The following ST3GAL6 variants were observed in gnomAD, a reference collection of about 807,000 sequenced individuals.
ST3GAL6 encodes ST3 beta-galactoside alpha-2,3-sialyltransferase 6, also known as type 2 lactosamine alpha-2,3-sialyltransferase.
In ST3GAL6, 31 loss-of-function variants were observed where a neutral mutation model predicts 40.5. The ratio of observed to expected loss-of-function variants is 0.77; its 90% confidence interval spans 0.58 to 1.03. The LOEUF (loss-of-function observed/expected upper bound fraction) is 1.03, where lower values mean the gene tolerates loss of function less well. Among genes scored for constraint, ST3GAL6 ranks in the 50% least tolerant of loss-of-function variants. The pLI, the probability that ST3GAL6 is intolerant of heterozygous loss-of-function variation, is 0.00. For missense variants in ST3GAL6, 357 were observed against 393.2 expected (o/e 0.91, Z 0.78); for synonymous variants, 129 against 136.9 (o/e 0.94, Z 0.40).
At chr3:98,764,128 T>C (rs1938081223) in intron 1 of ST3GAL6, among the ~76,000 whole-genome samples, 1 of 152,166 alleles carries the variant, frequency 6.6e-6, no homozygotes, top group African/African-American at 2.4e-5. Context: ...TGTTGCATAT[T>C]GACTGAGATA....
chr3:98,775,469 C>A (rs1256009397), intron 5 of ST3GAL6, among the ~76,000 whole-genome samples: 1 of 115,786 alleles, frequency 8.6e-6, no homozygotes, highest in Non-Finnish European at 1.8e-5. Flanking sequence ...AGCAAGACTT[C>A]GTCTCAAAAA....
At chr3:98,772,186 T>G (rs1204627962) in intron 3 of ST3GAL6, 1 of 152,252 alleles carries the variant, frequency 6.6e-6, no homozygotes, top group Non-Finnish European at 1.5e-5. Flanking sequence ...ACAGGTAGAT[T>G]TATGTTTATC....
rs1456076183 is a variant in ST3GAL6 at position 98,788,236 on chromosome 3, A to C, written c.618+14A>C. Reference sequence around the variant, plus strand: ...GGTGACAAAATAGTAAGTAGGCAAAATTGTTCTGCCTTCAGATTACCTTTA... The same window carrying C: ...GGTGACAAAATAGTAAGTAGGCAAACTTGTTCTGCCTTCAGATTACCTTTA... On this transcript the variant is annotated intron_variant, in intron 7 of 9. Coordinates refer to ENST00000483910, the MANE Select transcript of ST3GAL6 (RefSeq NM_001323368.2). 9.4e-6 allele frequency: 15 copies of C among 1,604,194 alleles called. No homozygotes were observed. Among genetic ancestry groups the C allele is most frequent in the Admixed American group, 1.7e-5 (1 of 58,994 alleles).
rs77757721 is a variant in ST3GAL6, at chr3:98,768,749, G to A, written c.89+220G>A. Among the ~76,000 whole-genome samples, 391 of 152,216 alleles carry A rather than the reference G, an allele frequency of 2.6e-3. 1 individual carries two copies. The highest frequency in any genetic ancestry group is 9.1e-3 in the African/African-American group (378 of 41,530). ...CACCTACTTTCTATTGACTTCCCAG[G>A]GAAGCCATGGTGTTAACCATCTTTG... On this transcript the variant is annotated intron_variant, in intron 2 of 9. Transcript: ENST00000483910.
intron 1 of ST3GAL6, among the ~76,000 whole-genome samples, chr3:98,766,920 C>A (rs1938415609): frequency 6.6e-6 from 1 of 152,162 alleles, no homozygotes; most frequent in South Asian, 2.1e-4. Context: ...GGTCCCCACA[C>A]CATATGTAGA....
At chr3:98,759,829 G>T (rs1169302357), upstream of ST3GAL6, among the ~76,000 whole-genome samples, 2 of 152,164 alleles carry the variant, frequency 1.3e-5, no homozygotes, top group African/African-American at 4.8e-5. Flanking sequence ...AAGATAAGGT[G>T]TGTGTCCTAT....
chr3:98,741,050 CAGTGTG>C (rs1157441993), intron 1 of ST3GAL6, among the ~76,000 whole-genome samples: 300 of 78,912 alleles, frequency 3.8e-3, no homozygotes, highest in Admixed American at 0.013. Context: ...TAGAGGGATT[CAGTGTG>C]TGTGTGTGTG....
intron 1 of ST3GAL6, among the ~76,000 whole-genome samples, chr3:98,749,066 G>C (rs1163154886): frequency 6.6e-6 from 1 of 152,138 alleles, no homozygotes; most frequent in Non-Finnish European, 1.5e-5. Context: ...CTTCGCTGCT[G>C]TATCTCCAAA....
At chr3:98,783,224 C>T in intron 5 of ST3GAL6, 1 of 155,144 alleles carries the variant, frequency 6.4e-6, no homozygotes, top group Non-Finnish European at 1.4e-5. Flanking sequence ...CACCGTTCTC[C>T]AGCCAGCCTC....
intron 1 of ST3GAL6, among the ~76,000 whole-genome samples, chr3:98,764,628 C>G (rs1468841530): frequency 1.3e-5 from 2 of 152,174 alleles, no homozygotes. Flanking sequence ...TAACGCATGG[C>G]CTGTGGCCTG....
At chr3:98,733,737 A>G (rs1198131624) in intron 1 of ST3GAL6, 6 of 502,970 alleles carry the variant, frequency 1.2e-5, no homozygotes, top group Non-Finnish European at 1.5e-5. Context: ...AAGAAAACCT[A>G]TAAAAAGCGA....
At chr3:98,774,325 C>T (rs1392788845) in intron 5 of ST3GAL6, among the ~76,000 whole-genome samples, 4 of 152,150 alleles carry the variant, frequency 2.6e-5, no homozygotes, top group African/African-American at 9.7e-5. Flanking sequence ...TAGGCTGTTT[C>T]CCATACTTTT....
chr3:98,776,526 G>A (rs1440361387), intron 5 of ST3GAL6, among the ~76,000 whole-genome samples: 1 of 152,190 alleles, frequency 6.6e-6, no homozygotes, highest in Non-Finnish European at 1.5e-5. Flanking sequence ...TTGATATTTA[G>A]GCTGGCTTGT....
chr3:98,778,053 T>G (rs1040039971), intron 5 of ST3GAL6, among the ~76,000 whole-genome samples: 2 of 152,158 alleles, frequency 1.3e-5, no homozygotes, highest in African/African-American at 4.8e-5. Context: ...CAGCTCCCAC[T>G]TAAAATGCAC....
intron 6 of ST3GAL6, among the ~76,000 whole-genome samples, chr3:98,787,483 G>A (rs1940838797): frequency 6.6e-6 from 1 of 152,106 alleles, no homozygotes; most frequent in South Asian, 2.1e-4. Flanking sequence ...GATCCTTTGT[G>A]GTTCTTTAGT....
intron 9 of ST3GAL6, among the ~76,000 whole-genome samples, chr3:98,793,363 TAA>T (rs1941368345): frequency 6.6e-6 from 1 of 152,206 alleles, no homozygotes; most frequent in African/African-American, 2.4e-5. Context: ...CTTCTTCCAT[TAA>T]AGTGAACAAC....
intron 1 of ST3GAL6, chr3:98,733,664 C>T (rs1439450892): frequency 1.1e-6 from 1 of 919,214 alleles, no homozygotes; most frequent in Non-Finnish European, 1.3e-6. Flanking sequence ...ATTTTGAGGC[C>T]GCCGGCTCCG....
intron 1 of ST3GAL6, among the ~76,000 whole-genome samples, chr3:98,740,966 G>T (rs1392356311): frequency 6.6e-6 from 1 of 151,662 alleles, no homozygotes; most frequent in Non-Finnish European, 1.5e-5. Context: ...ATTCTTCAGC[G>T]AACAGCAACA....
rs1436913291 is a variant in ST3GAL6, at chr3:98,763,683, G to A, written c.-12+244G>A. On this transcript the variant is annotated intron_variant, in intron 1 of 9. Coordinates refer to ENST00000483910, the MANE Select transcript of ST3GAL6 (RefSeq NM_001323368.2). ...GCCACTGAGGAAGCAGGGAACAGAA[G>A]GGTGCCTCACCCCAGGGCAGATGGG... 4.6e-5 allele frequency among the ~76,000 whole-genome samples: 7 copies of A among 151,380 alleles called. No individual in the cohort carries two copies. The East Asian group carries it at 9.7e-4, about 21-fold the overall frequency.
Sources: allele counts gnomAD v4.1 joint callset (sites outside exome capture counted in the v4.1 genomes callset), GRCh38; gene constraint gnomAD v4.1.1; transcripts MANE v1.5; gene names NCBI Gene and HGNC (gene_info 2026-07-23, HGNC 2026-07-21).